The following MBIP variants were observed in gnomAD, a reference collection of about 807,000 sequenced individuals.
MBIP encodes MAP3K12-binding inhibitory protein 1.
MBIP carries 32 observed loss-of-function variants against 45.7 expected under a neutral mutation model. The ratio of observed to expected loss-of-function variants is 0.70; its 90% confidence interval spans 0.53 to 0.94. The LOEUF is 0.94. MBIP is among the 40% of genes least tolerant of loss of function. The pLI is 0.00. For missense variants in MBIP, 381 were observed against 405.5 expected (o/e 0.94, Z 0.52); for synonymous variants, 145 against 141.0 (o/e 1.03, Z -0.20).
At chr14:36,317,720 A>T (rs1169966087) in intron 1 of MBIP, among the ~76,000 whole-genome samples, 1 of 152,114 alleles carries the variant, frequency 6.6e-6, no homozygotes, top group Non-Finnish European at 1.5e-5. Flanking sequence ...TTCTAGGGAC[A>T]TGTGTTTACA....
Position 36,312,168 on chromosome 14 carries a change from C to T in MBIP, c.572-144G>A, listed in dbSNP as rs536048762. The T allele has an allele frequency of 4.1e-5, 19 of 462,650 alleles. No homozygotes were observed. The South Asian group carries it at 9.1e-4, about 22-fold the overall frequency. The allele number at this position is 462,650 out of a possible 1,614,324, so 28.7% of individuals were successfully genotyped here. ...ATAGTAACAATAAATTACTATCACA[C>T]ATAGGATAGAATTTAGTGACCTTCT... On this transcript the variant is annotated intron_variant, in intron 4 of 8. Transcript: ENST00000416007.
intron 1 of MBIP, 109 bp from the exon 2 acceptor site, chr14:36,316,921 G>T: frequency 8.6e-7 from 1 of 1,169,076 alleles, no homozygotes. Flanking sequence ...TTTGCTCTAA[G>T]TTATCAAGTT....
intron 7 of MBIP, among the ~76,000 whole-genome samples, chr14:36,303,459 C>G (rs1879690981): frequency 6.6e-6 from 1 of 152,098 alleles, no homozygotes; most frequent in African/African-American, 2.4e-5. Context: ...CACACCTAGG[C>G]TATATGGTAT....
At chr14:36,304,559 A>G (rs964165569) in intron 7 of MBIP, among the ~76,000 whole-genome samples, 2 of 152,222 alleles carry the variant, frequency 1.3e-5, no homozygotes, top group African/African-American at 4.8e-5. Context: ...TGGACTGTTA[A>G]GGCCATGCCC....
At chr14:36,317,992 T>C (rs1594525579) in intron 1 of MBIP, among the ~76,000 whole-genome samples, 2 of 152,168 alleles carry the variant, frequency 1.3e-5, no homozygotes, top group South Asian at 2.1e-4. Context: ...TAAAAGTCCA[T>C]ATTAGACAAG....
chr14:36,314,229 C>T lies in MBIP; in HGVS notation c.571+283G>A, dbSNP rs141183595. 72 of 305,102 alleles carry T rather than the reference C, an allele frequency of 2.4e-4. No homozygotes were observed. The East Asian group carries it at 3.3e-3, about 14-fold the overall frequency. 18.9% of individuals were successfully genotyped at this position (305,102 alleles called of 1,614,324 possible). On this transcript the variant is annotated intron_variant, in intron 4 of 8. Coordinates refer to ENST00000416007, the MANE Select transcript of MBIP (RefSeq NM_016586.3). ...AGTGAGATAGATCAACCTTCTCACT[C>T]GTACCTCACCTTCATTTCCTAAAGG...
chr14:36,300,731 G>A (rs1879492441), intron 8 of MBIP, 54 bp downstream of exon 8: 2 of 1,312,860 alleles, frequency 1.5e-6, no homozygotes, highest in Non-Finnish European at 2.1e-6. Context: ...AATAAGAAAG[G>A]TATAAAACTA....
intron 1 of MBIP, chr14:36,319,535 AAAAT>A (rs746428624): frequency 2.3e-6 from 1 of 431,064 alleles, no homozygotes; most frequent in South Asian, 1.7e-5. Context: ...CAAGGCTTTA[AAAAT>A]AATTTTCACA....
intron 7 of MBIP, among the ~76,000 whole-genome samples, chr14:36,304,078 T>C (rs896299821): frequency 6.6e-6 from 1 of 152,152 alleles, no homozygotes. Flanking sequence ...GTTTACAATC[T>C]AATTTTCTAG....
At chr14:36,300,325 T>G (rs1009923534) in intron 8 of MBIP, among the ~76,000 whole-genome samples, 32 of 152,198 alleles carry the variant, frequency 2.1e-4, no homozygotes, top group African/African-American at 7.7e-4. Context: ...TCTCCAACTT[T>G]AAATTCACAT....
intron 4 of MBIP, among the ~76,000 whole-genome samples, chr14:36,312,292 AT>A (rs777839974): frequency 4.6e-4 from 70 of 152,142 alleles, no homozygotes; most frequent in Admixed American, 1.2e-3. Context: ...AATTGATACA[AT>A]TTTGAAAACC....
chr14:36,306,603 G>A (rs1391512793), intron 7 of MBIP, among the ~76,000 whole-genome samples: 1 of 152,150 alleles, frequency 6.6e-6, no homozygotes, highest in Non-Finnish European at 1.5e-5. Context: ...CAGAATCAGA[G>A]AGAAGAGAGG....
At chr14:36,300,846 ATGTTTAG>A in intron 7 of MBIP, 23 bp from the exon 8 acceptor site, 3 of 1,395,920 alleles carry the variant, frequency 2.1e-6, no homozygotes, top group Non-Finnish European at 2.0e-6. Context: ...AAAAAAGGTA[ATGTTTAG>A]AAAAATCTAA....
At chr14:36,304,608 G>C (rs543356334) in intron 7 of MBIP, among the ~76,000 whole-genome samples, 1 of 152,242 alleles carries the variant, frequency 6.6e-6, no homozygotes, top group African/African-American at 2.4e-5. Flanking sequence ...GCTTTCCATG[G>C]CTAATGTGAA....
chr14:36,299,260 T>G (rs1301526993), intron 8 of MBIP, 70 bp from the exon 9 acceptor site: 6 of 985,732 alleles, frequency 6.1e-6, no homozygotes, highest in Non-Finnish European at 7.9e-6. Flanking sequence ...AAGTGCCAAA[T>G]GAACTATAAA....
chr14:36,302,518 A>T (rs924087937), intron 7 of MBIP, among the ~76,000 whole-genome samples: 13 of 122,772 alleles, frequency 1.1e-4, no homozygotes, highest in African/African-American at 3.8e-4. Flanking sequence ...AAAAAAAAAA[A>T]ATTCCCCTTG....
intron 5 of MBIP, 76 bp from the exon 6 acceptor site, chr14:36,311,801 T>A: frequency 7.5e-7 from 1 of 1,339,756 alleles, no homozygotes; most frequent in African/African-American, 1.5e-5. Flanking sequence ...AACAGCACTT[T>A]ATATTTTTTT....
At chr14:36,316,504 GGGCTATAT>G (rs1880575710) in intron 2 of MBIP, among the ~76,000 whole-genome samples, 181 bp downstream of exon 2, 1 of 152,020 alleles carries the variant, frequency 6.6e-6, no homozygotes, top group South Asian at 2.1e-4. Context: ...TTGGTCTTTT[GGGCTATAT>G]TCCCTTAACT....
chr14:36,316,711 T>C lies in MBIP; in HGVS notation c.231A>G (p.Gln77=), dbSNP rs761819183. 1 of 1,606,282 alleles carries C rather than the reference T, an allele frequency of 6.2e-7. No homozygotes were observed. Among genetic ancestry groups the C allele is most frequent in the Admixed American group, 1.7e-5 (1 of 58,108 alleles). Residue 77 remains glutamine (Q), a synonymous_variant, in exon 2 of 9, where the codon CAA becomes CAG. Transcript: ENST00000416007. The part of the protein sequence containing the change: ...QPALLFSALE[Q]HILYLQPFLA... ...AATTTACCTGTAAATATAAAATGTG[T>C]TGTTCAAGTGCACTAAAGAGCAATG... is the stretch of plus-strand genomic sequence containing the variant.
Sources: gnomAD v4.1 joint callset for allele counts (sites outside exome capture counted in the v4.1 genomes callset) on GRCh38, gnomAD v4.1.1 for gene constraint, MANE v1.5 for transcripts, NCBI Gene and HGNC (gene_info 2026-07-23, HGNC 2026-07-21) for gene names.